The following CDH12 variants were observed in gnomAD, a reference collection of about 807,000 sequenced individuals.
CDH12 encodes cadherin-12.
Under a neutral mutation model 74.1 loss-of-function variants are expected in CDH12, and 41 were observed. The observed-to-expected ratio is 0.55, with a 90% confidence interval of 0.43 to 0.72. CDH12 has a LOEUF of 0.72. Ranked by LOEUF, CDH12 falls within the 30% of genes least tolerant of loss-of-function variation. The pLI, the probability that CDH12 is intolerant of heterozygous loss-of-function variation, is 0.00. For synonymous variants in CDH12, 399 were observed against 355.0 expected (o/e 1.12, Z -1.39); for missense variants, 945 against 977.2 (o/e 0.97, Z 0.44).
At chr5:21,770,616 C>T (rs1462374373) in intron 11 of CDH12, among the ~76,000 whole-genome samples, 1 of 141,822 alleles carries the variant, frequency 7.1e-6, no homozygotes, top group Admixed American at 7.0e-5. Context: ...AAAAGTCCAT[C>T]TCAAAAAAAA....
intron 3 of CDH12, among the ~76,000 whole-genome samples, chr5:22,355,632 C>G (rs1292295581): frequency 6.6e-6 from 1 of 151,800 alleles, no homozygotes; most frequent in Non-Finnish European, 1.5e-5. Flanking sequence ...AGTGGGAGAA[C>G]TTAAAAAGCT....
intron 5 of CDH12, among the ~76,000 whole-genome samples, chr5:22,063,344 G>A (rs2150208255): frequency 6.6e-6 from 1 of 152,026 alleles, no homozygotes; most frequent in South Asian, 2.1e-4. Flanking sequence ...TTTCATCCTG[G>A]TTTCTCCTGG....
At chr5:21,880,608 C>CT (rs1752245258) in intron 6 of CDH12, among the ~76,000 whole-genome samples, 3 of 65,730 alleles carry the variant, frequency 4.6e-5, no homozygotes, top group African/African-American at 1.9e-4. Flanking sequence ...TCCTTCCTTC[C>CT]TTCCTTCCTT....
At chr5:22,258,286 G>T (rs529687245) in intron 3 of CDH12, among the ~76,000 whole-genome samples, 1 of 151,990 alleles carries the variant, frequency 6.6e-6, no homozygotes, top group Non-Finnish European at 1.5e-5. Context: ...TCTCAGGCCC[G>T]TGCCCATCCT....
At chr5:22,583,060 A>G (rs1208703844) in intron 1 of CDH12, among the ~76,000 whole-genome samples, 1 of 150,728 alleles carries the variant, frequency 6.6e-6, no homozygotes, top group Non-Finnish European at 1.5e-5. Flanking sequence ...AAATAGTAAC[A>G]AATTTCAGGG....
At chr5:22,648,607 A>C (rs1011232081) in intron 1 of CDH12, among the ~76,000 whole-genome samples, 1 of 151,878 alleles carries the variant, frequency 6.6e-6, no homozygotes, top group South Asian at 2.1e-4. Context: ...GGTTTAAATA[A>C]AACTTAAAAG....
At chr5:22,319,667 C>A (rs919419541) in intron 3 of CDH12, among the ~76,000 whole-genome samples, 2 of 152,116 alleles carry the variant, frequency 1.3e-5, no homozygotes, top group South Asian at 2.1e-4. Flanking sequence ...AACATATGGG[C>A]AAATTATATT....
At chr5:21,961,553 A>G (rs1433587911) in intron 6 of CDH12, among the ~76,000 whole-genome samples, 1 of 152,162 alleles carries the variant, frequency 6.6e-6, no homozygotes, top group African/African-American at 2.4e-5. Flanking sequence ...CCTTATTTAA[A>G]GATAGGATCT....
At chr5:22,397,372 T>C (rs1183204392) in intron 3 of CDH12, among the ~76,000 whole-genome samples, 1 of 152,048 alleles carries the variant, frequency 6.6e-6, no homozygotes, top group African/African-American at 2.4e-5. Context: ...GAACATTTAA[T>C]TGAGAATTGT....
chr5:22,067,405 A>G (rs958101446), intron 5 of CDH12, among the ~76,000 whole-genome samples: 2 of 152,160 alleles, frequency 1.3e-5, no homozygotes, highest in Admixed American at 1.3e-4. Context: ...GAGACACAAC[A>G]CTTAGTAGAT....
chr5:21,883,306 TC>T, intron 6 of CDH12: 2 of 1,492,818 alleles, frequency 1.3e-6, no homozygotes, highest in Non-Finnish European at 9.3e-7. Flanking sequence ...AAATGTGAAT[TC>T]CAGGATGCCT....
At chr5:22,565,454 A>G (rs1000120010) in intron 1 of CDH12, among the ~76,000 whole-genome samples, 2 of 152,146 alleles carry the variant, frequency 1.3e-5, no homozygotes, top group South Asian at 4.1e-4. Context: ...CTCTATATTT[A>G]TATATTTTTA....
At chr5:22,640,572 T>A (rs116632743) in intron 1 of CDH12, among the ~76,000 whole-genome samples, 1 of 152,232 alleles carries the variant, frequency 6.6e-6, no homozygotes, top group African/African-American at 2.4e-5. Context: ...ATTTTTTGGC[T>A]GCTGCTGAAT....
chr5:22,090,340 A>G (rs1367315165), intron 4 of CDH12, among the ~76,000 whole-genome samples: 1 of 151,926 alleles, frequency 6.6e-6, no homozygotes, highest in Non-Finnish European at 1.5e-5. Flanking sequence ...TCAAAGGTTT[A>G]GAAGCCCTGA....
chr5:22,824,145 A>G (rs1899436), intron 1 of CDH12, among the ~76,000 whole-genome samples: 60,429 of 151,962 alleles, frequency 0.4, 12,520 homozygotes, highest in Admixed American at 0.46. Flanking sequence ...CAATGGACTA[A>G]TATTTTCAAT....
chr5:21,883,591 T>A, intron 6 of CDH12: 1 of 1,604,192 alleles, frequency 6.2e-7, no homozygotes, highest in Non-Finnish European at 8.5e-7. Context: ...ACCCTGAATC[T>A]TGAAGATGTT....
chr5:22,777,463 A>C (rs1459126590), intron 1 of CDH12, among the ~76,000 whole-genome samples: 1 of 152,120 alleles, frequency 6.6e-6, no homozygotes, highest in Non-Finnish European at 1.5e-5. Flanking sequence ...GGGATGAGTA[A>C]GAATAATAAC....
intron 1 of CDH12, among the ~76,000 whole-genome samples, chr5:22,721,399 T>C (rs1743877168): frequency 6.6e-6 from 1 of 152,242 alleles, no homozygotes. Context: ...CCCCTTTGTT[T>C]TGGCCAATTT....
At chr5:22,323,398 A>G (rs932488762) in intron 3 of CDH12, among the ~76,000 whole-genome samples, 5 of 152,190 alleles carry the variant, frequency 3.3e-5, no homozygotes, top group Non-Finnish European at 7.4e-5. Context: ...CACTGGCTAC[A>G]TTGGAGAAGG....
Sources: allele counts gnomAD v4.1 joint callset (sites outside exome capture counted in the v4.1 genomes callset), GRCh38; gene constraint gnomAD v4.1.1; transcripts MANE v1.5; gene names NCBI Gene and HGNC (gene_info 2026-07-23, HGNC 2026-07-21).